The following KLF8 variants were observed in gnomAD, a reference collection of about 807,000 sequenced individuals.
KLF8 encodes the protein KLF transcription factor 8, also known as Krueppel-like factor 8.
A neutral mutation model predicts 18.2 loss-of-function variants in KLF8; 10 were observed. The observed-to-expected ratio is 0.55, with a 90% confidence interval of 0.34 to 0.93. KLF8 has a LOEUF of 0.93. Ranked by LOEUF, KLF8 falls within the 40% of genes least tolerant of loss-of-function variation. The pLI is 0.02. For missense variants in KLF8, 264 were observed against 277.9 expected, an observed-to-expected ratio of 0.95 and a Z score of 0.36; for synonymous variants, 109 against 97.3, an observed-to-expected ratio of 1.12 and a Z score of -0.71.
chrX:56,026,824 A>G, the KLF8 span, among the ~76,000 whole-genome samples: 4 of 112,099 alleles, frequency 3.6e-5, no homozygotes, highest in African/African-American at 1.3e-4. Flanking sequence ...GAGTAAGTAC[A>G]CACTAGAACC....
the KLF8 span, among the ~76,000 whole-genome samples, chrX:56,160,724 T>C: frequency 9.0e-5 from 10 of 111,563 alleles, no homozygotes; most frequent in East Asian, 2.8e-4. Flanking sequence ...CTGCCTTTTT[T>C]TGTTTTCCAT....
Position 56,290,385 on chromosome X carries a change from G to T in KLF8, c.*5891G>T, listed in dbSNP as rs946836015. 1.2e-4 allele frequency among the ~76,000 whole-genome samples: 13 copies of T among 111,786 alleles called. No individual in the cohort carries two copies. Among genetic ancestry groups the T allele is most frequent in the Non-Finnish European group, 2.3e-4 (12 of 53,061 alleles). On this transcript the variant is annotated 3_prime_UTR_variant, in exon 6 of 6. Coordinates refer to ENST00000468660, the MANE Select transcript of KLF8 (RefSeq NM_007250.5). ...TACCCTATGTAAAAGAGAAGATTAG[G>T]CTTCCTAGGTGATAAACAGATAAAT...
the KLF8 span, among the ~76,000 whole-genome samples, chrX:56,138,520 A>G: frequency 8.9e-6 from 1 of 111,866 alleles, no homozygotes. Flanking sequence ...AACATACACA[A>G]ATCAATATAT....
the KLF8 span, among the ~76,000 whole-genome samples, chrX:55,970,672 A>T: frequency 2.7e-5 from 3 of 111,456 alleles, no homozygotes; most frequent in Non-Finnish European, 5.7e-5. Flanking sequence ...AAACCTAAAG[A>T]CACCACGAAA....
At chrX:56,266,600 G>A (rs2066976687) in intron 3 of KLF8, 1 of 746,350 alleles carries the variant, frequency 1.3e-6, no homozygotes, top group Non-Finnish European at 1.6e-6. Flanking sequence ...AATTCAGAAA[G>A]GTATAAATTA....
chrX:56,220,821 C>T, the KLF8 span, among the ~76,000 whole-genome samples: 1 of 112,657 alleles, frequency 8.9e-6, no homozygotes, highest in African/African-American at 3.2e-5. Context: ...GTCATAGACT[C>T]TTAATTCTTT....
At chrX:56,157,667 T>C in the KLF8 span, among the ~76,000 whole-genome samples, 1 of 112,109 alleles carries the variant, frequency 8.9e-6, no homozygotes, top group Admixed American at 9.5e-5. Context: ...TTCATGTGTC[T>C]TTTGGCTGCA....
chrX:56,005,032 T>G, the KLF8 span, among the ~76,000 whole-genome samples: 41 of 12,288 alleles, frequency 3.3e-3, no homozygotes, highest in Admixed American at 5.9e-3. Flanking sequence ...CCTTTATGAT[T>G]ATTATTATTA....
At chrX:56,198,824 A>T in the KLF8 span, among the ~76,000 whole-genome samples, 47 of 111,972 alleles carry the variant, frequency 4.2e-4, no homozygotes, top group African/African-American at 1.5e-3. Context: ...GCATCATGCT[A>T]CCTGACTTCA....
chrX:56,211,268 T>C, the KLF8 span, among the ~76,000 whole-genome samples: 1 of 112,684 alleles, frequency 8.9e-6, no homozygotes, highest in East Asian at 2.8e-4. Context: ...ACACTGTGAA[T>C]CTTGTAGACT....
At chrX:55,929,886 A>C in the KLF8 span, among the ~76,000 whole-genome samples, 1 of 109,089 alleles carries the variant, frequency 9.2e-6, no homozygotes, top group Non-Finnish European at 1.9e-5. Flanking sequence ...TTCCATATGA[A>C]ATTTAAAGAG....
chrX:56,114,099 G>A, the KLF8 span, among the ~76,000 whole-genome samples: 20 of 112,285 alleles, frequency 1.8e-4, no homozygotes, highest in Non-Finnish European at 3.2e-4. Flanking sequence ...CGCCCGGTTA[G>A]GAGGGATGGA....
the KLF8 span, among the ~76,000 whole-genome samples, chrX:56,141,007 A>C: frequency 9.0e-6 from 1 of 111,380 alleles, no homozygotes; most frequent in Non-Finnish European, 1.9e-5. Flanking sequence ...TTTGAGATGG[A>C]GTCTCACTGT....
At chrX:56,058,279 CAT>C in the KLF8 span, among the ~76,000 whole-genome samples, 283 of 7,249 alleles carry the variant, frequency 0.039, 4 homozygotes, top group East Asian at 0.059. Context: ...CATATATATA[CAT>C]ATATATATAT....
At chrX:56,174,360 G>T in the KLF8 span, among the ~76,000 whole-genome samples, 1 of 111,763 alleles carries the variant, frequency 8.9e-6, no homozygotes, top group Admixed American at 9.6e-5. Context: ...TAATCAGGTG[G>T]TTTTTGTCTT....
chrX:56,121,045 A>G, the KLF8 span, among the ~76,000 whole-genome samples: 59 of 109,732 alleles, frequency 5.4e-4, no homozygotes, highest in South Asian at 1.6e-3. Flanking sequence ...AATTAGCCGG[A>G]CGTGGTGGCG....
the KLF8 span, among the ~76,000 whole-genome samples, chrX:56,012,122 A>G: frequency 1.8e-5 from 2 of 112,135 alleles, no homozygotes; most frequent in African/African-American, 6.5e-5. Context: ...CATCATCCTG[A>G]TACCAAAACC....
chrX:56,121,535 C>T, the KLF8 span, among the ~76,000 whole-genome samples: 1 of 112,173 alleles, frequency 8.9e-6, no homozygotes, highest in African/African-American at 3.2e-5. Context: ...TCTTCTGACC[C>T]GGAAATTCTT....
At chrX:55,950,721 C>T in the KLF8 span, among the ~76,000 whole-genome samples, 3 of 111,645 alleles carry the variant, frequency 2.7e-5, no homozygotes, top group South Asian at 1.1e-3. Context: ...ATACTTTGAA[C>T]CTCTCTTATG....
Sources: gnomAD v4.1 joint callset for allele counts (sites outside exome capture counted in the v4.1 genomes callset) on GRCh38, gnomAD v4.1.1 for gene constraint, MANE v1.5 for transcripts, NCBI Gene and HGNC (gene_info 2026-07-23, HGNC 2026-07-21) for gene names.